SLC43A1: variants seen among roughly 807,000 people sequenced by gnomAD.
SLC43A1 encodes the protein solute carrier family 43 member 1.
A neutral mutation model predicts 59.5 loss-of-function variants in SLC43A1; 31 were observed. That is an observed-to-expected ratio of 0.52 (90% CI 0.39 to 0.70). The LOEUF is 0.70. SLC43A1 is among the 30% of genes least tolerant of loss of function. SLC43A1 has a pLI of 0.00. For missense variants in SLC43A1, 598 were observed against 717.8 expected, an observed-to-expected ratio of 0.83 and a Z score of 1.91; for synonymous variants, 259 against 290.9, an observed-to-expected ratio of 0.89 and a Z score of 1.12.
rs1488910201 is a variant in SLC43A1 at position 57,489,400 on chromosome 11, G to C, written c.1194-8C>G. On this transcript the variant is annotated splice_region_variant and splice_polypyrimidine_tract_variant and intron_variant, in intron 11 of 14. Transcript: ENST00000278426. Reference sequence around the variant, plus strand: ...TTGGTAGCAACCCCGTCCCTGAGGAGTACGGGAAGTCACTGGCTGCTGCCT... The same window carrying C: ...TTGGTAGCAACCCCGTCCCTGAGGACTACGGGAAGTCACTGGCTGCTGCCT... The C allele has an allele frequency of 7.4e-6, 12 of 1,613,872 alleles. No individual in the cohort carries two copies. The African/African-American group carries it at 1.5e-4, about 20-fold the overall frequency.
chr11:57,508,381 C>G (rs1358498274), intron 2 of SLC43A1, among the ~76,000 whole-genome samples: 4 of 152,170 alleles, frequency 2.6e-5, no homozygotes, highest in African/African-American at 9.7e-5. Context: ...TATGGCAACA[C>G]AGATTCCTGG....
At chr11:57,502,930 G>A (rs1408998563) in intron 2 of SLC43A1, among the ~76,000 whole-genome samples, 1 of 151,646 alleles carries the variant, frequency 6.6e-6, no homozygotes, top group Admixed American at 6.6e-5. Flanking sequence ...AAACCAACAA[G>A]GGGACAAGGG....
chr11:57,496,798 G>T (rs1296071306), intron 6 of SLC43A1, among the ~76,000 whole-genome samples: 3 of 152,224 alleles, frequency 2.0e-5, no homozygotes, highest in Non-Finnish European at 4.4e-5. Context: ...TCTTATGGAA[G>T]AAGCTGATGC....
In SLC43A1 at chr11:57,513,982, C is replaced by G; in HGVS notation, c.130G>C (p.Gly44Arg). 1.3e-6 allele frequency: 2 copies of G among 1,599,012 alleles called. No individual in the cohort carries two copies. The highest frequency in any genetic ancestry group is 1.7e-6 in the Non-Finnish European group (2 of 1,172,372). Residue 44 changes from glycine (G) to arginine (R), a missense_variant, in exon 2 of 15, where the codon GGC becomes CGC. Physicochemically the swap from Gly to Arg is moderately radical, Grantham distance 125 (BLOSUM62 -2). Transcript: ENST00000278426. ...CCTGGGCACGTGCTGGAATAGAAGC[C>G]CTCGTTCTTCAGAATGATCAACAGG... ...GSLLIILKNE[G>R]FYSSTCPAES...
intron 2 of SLC43A1, among the ~76,000 whole-genome samples, chr11:57,510,938 C>T (rs112337773): frequency 5.8e-4 from 88 of 151,780 alleles, no homozygotes; most frequent in Middle Eastern, 3.4e-3. Flanking sequence ...GCTGAGATAG[C>T]GCCATTGCAC....
At position 57,494,057 on chromosome 11, in the gene SLC43A1, C is replaced by T. The variant is rs538684384; in HGVS notation, c.807G>A (p.Glu269=). The T allele has an allele frequency of 6.2e-7, 1 of 1,611,542 alleles. No homozygotes were observed. The highest frequency in any genetic ancestry group is 1.7e-4 in the Middle Eastern group (1 of 6,056). Reference sequence around the variant, plus strand: ...GTGACATGAAGGCATCCGAACCGTCCTCCAGGCTGGGGGCCTTCTGGCTGA... The same window carrying T: ...GTGACATGAAGGCATCCGAACCGTCTTCCAGGCTGGGGGCCTTCTGGCTGA... ...QRLSQKAPSL[E]DGSDAFMSPQ... is the part of the protein sequence containing the mutation. Residue 269 remains glutamate (E), a synonymous_variant, in exon 8 of 15, where the codon GAG becomes GAA. Coordinates refer to ENST00000278426, the MANE Select transcript of SLC43A1 (RefSeq NM_003627.6).
intron 2 of SLC43A1, among the ~76,000 whole-genome samples, chr11:57,507,360 C>A (rs903743562): frequency 6.6e-6 from 1 of 152,186 alleles, no homozygotes; most frequent in African/African-American, 2.4e-5. Context: ...ATCCCAGCTA[C>A]TTGGGAGGTT....
rs752856155 is a variant in SLC43A1, at chr11:57,491,279, G to A, written c.1138C>T (p.Arg380Trp). ...CPLIGYIMDW[R>W]IKDCVDAPTQ... ...GGGGCGTCCACGCAGTCCTTGATCC[G>A]CCAGTCCATGATGTAGCCAATGAGG... The change falls in exon 11 of 15, where the codon CGG becomes TGG. Residue 380 changes from arginine (R) to tryptophan (W), a missense_variant. By Grantham distance (101) the Arg-to-Trp change is moderately radical. Transcript: ENST00000278426. The A allele has an allele frequency of 1.4e-5, 23 of 1,611,088 alleles. No homozygotes were observed. Among genetic ancestry groups the A allele is most frequent in the African/African-American group, 9.4e-5 (7 of 74,814 alleles).
At chr11:57,497,868 A>G in intron 5 of SLC43A1, 23 bp from the exon 6 acceptor site, 1 of 1,592,696 alleles carries the variant, frequency 6.3e-7, no homozygotes, top group Non-Finnish European at 8.6e-7. Flanking sequence ...AGCAGCACCC[A>G]TGAGGTGGGG....
In SLC43A1 at chr11:57,504,714, G is replaced by T. The variant is rs894584446; in HGVS notation, c.155-3385C>A. Among the ~76,000 whole-genome samples the T allele has an allele frequency of 3.9e-5, 6 of 152,312 alleles. No individual in the cohort carries two copies. In the East Asian group the frequency reaches 7.7e-4, roughly 20 times the overall value. On this transcript the variant is annotated intron_variant, in intron 2 of 14. Transcript: ENST00000278426. Reference sequence around the variant, plus strand: ...ACCAAAGGGCCTCTGTGTTACATGGGCCAGTTAGCTCAGTAAGTTTCCCAA... The same window carrying T: ...ACCAAAGGGCCTCTGTGTTACATGGTCCAGTTAGCTCAGTAAGTTTCCCAA...
chr11:57,506,437 G>T (rs1339868792), intron 2 of SLC43A1, among the ~76,000 whole-genome samples: 1 of 152,262 alleles, frequency 6.6e-6, no homozygotes, highest in Non-Finnish European at 1.5e-5. Flanking sequence ...TCAGGAGGCT[G>T]AGGTGGGAGG....
At chr11:57,489,216 G>A in intron 12 of SLC43A1, 35 bp downstream of exon 12, 2 of 1,612,520 alleles carry the variant, frequency 1.2e-6, no homozygotes, top group Non-Finnish European at 1.7e-6. Context: ...AGGAGCCTCG[G>A]GAGGCAGGGA....
chr11:57,515,145 GGGCTTTGGGTTCAAGCGCTCCA>G lies in SLC43A1; in HGVS notation c.-14+277_-14+298del. The G allele has an allele frequency of 1.1e-6, 1 of 903,092 alleles. No homozygotes were observed. The allele number at this position is 903,092 out of a possible 1,614,324, so 55.9% of individuals were successfully genotyped here. On this transcript the variant is annotated intron_variant, in intron 1 of 14. Coordinates refer to ENST00000278426, the MANE Select transcript of SLC43A1 (RefSeq NM_003627.6). The surrounding 1 kb of genome is among the most constrained non-coding windows in gnomAD (Gnocchi z 5.3). ...ACTCGGTATTCTCATCTGTGAAACGGGGCTTTGGGTTCAAGCGCTCCAGGAGGTCCGCTGGAACTCTGGCAAA... is the reference window on the plus strand; with the variant it reads ...ACTCGGTATTCTCATCTGTGAAACGGGGAGGTCCGCTGGAACTCTGGCAAA...
At chr11:57,496,490 T>C (rs1032823621) in intron 6 of SLC43A1, among the ~76,000 whole-genome samples, 1 of 152,204 alleles carries the variant, frequency 6.6e-6, no homozygotes, top group African/African-American at 2.4e-5. Flanking sequence ...TCCACAAACA[T>C]TCATGTTCAT....
In SLC43A1 at chr11:57,491,335, G is replaced by A; in HGVS notation, c.1082C>T (p.Ala361Val). ...GGTGAGAAGGCACAACAGCTGCATG[G>A]CCCCGAAGACGGAGGAGTAGAACCC... The part of the protein sequence containing the change: ...TVGFYSSVFG[A>V]MQLLCLLTCP... The change falls in exon 11 of 15, where the codon GCC becomes GTC. Residue 361 changes from alanine (A) to valine (V), a missense_variant. Coordinates refer to ENST00000278426, the MANE Select transcript of SLC43A1 (RefSeq NM_003627.6). 6.2e-7 allele frequency: 1 copy of A among 1,605,564 alleles called. No homozygotes were observed. Among genetic ancestry groups the A allele is most frequent in the Non-Finnish European group, 8.5e-7 (1 of 1,175,770 alleles).
chr11:57,502,387 G>A (rs1239061662), intron 2 of SLC43A1, among the ~76,000 whole-genome samples: 1 of 152,232 alleles, frequency 6.6e-6, no homozygotes, highest in Non-Finnish European at 1.5e-5. Context: ...TCCTTAGGAG[G>A]ATTAAATTGG....
chr11:57,486,603 T>G (rs1943735097), intron 14 of SLC43A1, among the ~76,000 whole-genome samples: 1 of 147,896 alleles, frequency 6.8e-6, no homozygotes. Flanking sequence ...ATCGAGGCCA[T>G]CCTGGCTAGC....
chr11:57,488,841 C>G, intron 13 of SLC43A1, 75 bp downstream of exon 13: 1 of 1,288,164 alleles, frequency 7.8e-7, no homozygotes, highest in Non-Finnish European at 1.1e-6. Flanking sequence ...TGCCTGGGGC[C>G]CTCCCAACCC....
rs192066693 is a variant in SLC43A1 at position 57,485,764 on chromosome 11, A to C, written c.1534-522T>G. 4.6e-5 allele frequency among the ~76,000 whole-genome samples: 7 copies of C among 152,360 alleles called. No homozygotes were observed. The East Asian group carries it at 1.3e-3, about 29-fold the overall frequency. ...TTACTCACTGTGTGACTTTGGGCAA[A>C]TAATGGCAATTCTTACTGAGTGCCT... is the stretch of plus-strand genomic sequence containing the variant. On this transcript the variant is annotated intron_variant, in intron 14 of 14. Coordinates refer to ENST00000278426, the MANE Select transcript of SLC43A1 (RefSeq NM_003627.6).
Sources: allele counts gnomAD v4.1 joint callset (sites outside exome capture counted in the v4.1 genomes callset), GRCh38; gene constraint gnomAD v4.1.1; non-coding constraint Gnocchi (gnomAD v3.1); transcripts MANE v1.5; gene names NCBI Gene and HGNC (gene_info 2026-07-23, HGNC 2026-07-21).